The following DYNC1H1 variants were observed in gnomAD, a reference collection of about 807,000 sequenced individuals.
DYNC1H1 encodes dynein cytoplasmic 1 heavy chain 1.
In DYNC1H1, 51 loss-of-function variants were observed where a neutral mutation model predicts 527.1. That is an observed-to-expected ratio of 0.10 (90% CI 0.08 to 0.12). DYNC1H1 has a LOEUF of 0.12. Ranked by LOEUF, DYNC1H1 falls within the 10% of genes least tolerant of loss-of-function variation. The probability of loss-of-function intolerance (pLI) is 1.00; values close to 1 mark genes in which losing one functional copy is unlikely to be tolerated. For missense variants in DYNC1H1, 2,771 were observed against 5,971.8 expected, an observed-to-expected ratio of 0.46 and a Z score of 17.66; for synonymous variants, 2,189 against 2,278.8, an observed-to-expected ratio of 0.96 and a Z score of 1.12.
intron 72 of DYNC1H1, among the ~76,000 whole-genome samples, chr14:102,045,594 G>A (rs906953504): frequency 6.6e-6 from 1 of 151,802 alleles, no homozygotes; most frequent in Non-Finnish European, 1.5e-5. Context: ...TTGGGCAACA[G>A]AACAAGATTC....
At chr14:101,969,722 A>G (rs933150539) in intron 1 of DYNC1H1, 2 of 152,280 alleles carry the variant, frequency 1.3e-5, no homozygotes, top group Admixed American at 1.3e-4. Flanking sequence ...ATGCTGTCAC[A>G]CTGTGGGACA....
At chr14:102,030,097 GT>G (rs1177617431) in intron 50 of DYNC1H1, 64 bp from the exon 51 acceptor site, 12 of 1,612,966 alleles carry the variant, frequency 7.4e-6, no homozygotes, top group African/African-American at 2.7e-5. Context: ...GAAGAATGTT[GT>G]TTAGAATTTA....
chr14:102,043,569 C>T (rs549244551), intron 69 of DYNC1H1: 346 of 413,684 alleles, frequency 8.4e-4, no homozygotes, highest in Non-Finnish European at 1.3e-3. Context: ...GGGATTGTGG[C>T]AGGGGTTTCG....
Position 102,017,501 on chromosome 14 carries a change from A to G in DYNC1H1, c.8174A>G (p.His2725Arg). The G allele has an allele frequency of 6.2e-7, 1 of 1,614,128 alleles. No homozygotes were observed. The highest frequency in any genetic ancestry group is 2.2e-5 in the East Asian group (1 of 44,876). Residue 2725 changes from histidine to arginine, a missense_variant, in exon 40 of 78, where the codon CAC becomes CGC. Physicochemically the swap from His to Arg is conservative, Grantham distance 29. Around this residue, in one of 32 missense-constraint regions of DYNC1H1, gnomAD observed 163 missense variants for 346.9 expected, o/e 0.47. Coordinates refer to ENST00000360184, the MANE Select transcript of DYNC1H1 (RefSeq NM_001376.5). This position sits in a 1 kb window ranked among gnomAD's most constrained non-coding sequence, Gnocchi z 4.6. ...PTDPGRKPLS[H>R]RFLRHVPVVY... ...GACCCTGGAAGAAAGCCCCTCTCAC[A>G]CAGGTAAAACAGCTCGGTAGACTGC...
intron 18 of DYNC1H1, chr14:102,000,732 G>A (rs1474075506): frequency 3.1e-5 from 16 of 523,784 alleles, no homozygotes; most frequent in African/African-American, 2.3e-4. Context: ...GTGCCACCAC[G>A]CCCGGCTAAT....
At position 102,039,334 on chromosome 14, in the gene DYNC1H1, C is replaced by CAGTA; in HGVS notation, c.11461-77_11461-74dup. The CAGTA allele has an allele frequency of 1.2e-6, 2 of 1,612,696 alleles. No individual in the cohort carries two copies. The highest frequency in any genetic ancestry group is 1.7e-6 in the Non-Finnish European group (2 of 1,180,016). ...CGCACAGAGGCTGGCGGGCCCTGCA[C>CAGTA]AGTAGCTCCTTGGCCACGCAGAAGT... On this transcript the variant is annotated intron_variant, in intron 60 of 77. Coordinates refer to ENST00000360184, the MANE Select transcript of DYNC1H1 (RefSeq NM_001376.5). The surrounding 1 kb of genome is among the most constrained non-coding windows in gnomAD (Gnocchi z 7.0).
Position 102,027,930 on chromosome 14 carries a change from TTCTC to T in DYNC1H1, c.9264-6_9264-3del. On this transcript the variant is annotated splice_polypyrimidine_tract_variant and splice_region_variant and intron_variant, in intron 47 of 77. Coordinates refer to ENST00000360184, the MANE Select transcript of DYNC1H1 (RefSeq NM_001376.5). This position sits in a 1 kb window ranked among gnomAD's most constrained non-coding sequence, Gnocchi z 7.7. ...TAGCTGTCCTGAAACATGGGCCTCTTTCTCAGGTGTGTGTTGAATTGGTTTGGAG... is the reference window on the plus strand; with the variant it reads ...TAGCTGTCCTGAAACATGGGCCTCTTAGGTGTGTGTTGAATTGGTTTGGAG... 6.2e-7 allele frequency: 1 copy of T among 1,614,174 alleles called. No homozygotes were observed. The highest frequency in any genetic ancestry group is 8.5e-7 in the Non-Finnish European group (1 of 1,180,014).
In DYNC1H1 at chr14:102,044,240, A is replaced by T; in HGVS notation, c.12685-34A>T. ...GAAGCCCCGGGCCTGCCCGCCTCTG[A>T]CCACACACACGAACCCTGCTTTTCC... is the stretch of plus-strand genomic sequence containing the variant. On this transcript the variant is annotated intron_variant, in intron 70 of 77. Coordinates refer to ENST00000360184, the MANE Select transcript of DYNC1H1 (RefSeq NM_001376.5). This position sits in a 1 kb window ranked among gnomAD's most constrained non-coding sequence, Gnocchi z 7.1. 6.2e-7 allele frequency: 1 copy of T among 1,612,632 alleles called. No individual in the cohort carries two copies. Among genetic ancestry groups the T allele is most frequent in the Non-Finnish European group, 8.5e-7 (1 of 1,179,656 alleles).
chr14:102,030,309 T>C, intron 51 of DYNC1H1, 27 bp downstream of exon 51: 2 of 1,614,102 alleles, frequency 1.2e-6, no homozygotes, highest in South Asian at 1.1e-5. Context: ...AGAGCTTTGA[T>C]GTCTAGGAAG....
chr14:101,976,085 T>G (rs1358750659), intron 2 of DYNC1H1, among the ~76,000 whole-genome samples: 1 of 151,508 alleles, frequency 6.6e-6, no homozygotes, highest in Non-Finnish European at 1.5e-5. Flanking sequence ...TTCTGTATTT[T>G]TAGTAGAGAC....
chr14:101,986,383 A>G lies in DYNC1H1; in HGVS notation c.2158A>G (p.Ile720Val), dbSNP rs1283849893. 1 of 1,614,096 alleles carries G rather than the reference A, an allele frequency of 6.2e-7. No individual in the cohort carries two copies. Among genetic ancestry groups the G allele is most frequent in the East Asian group, 2.2e-5 (1 of 44,880 alleles). ...CGGTGTCTCGGGGCGCATTTTCACCATCGAAAGTACTCGGGTTCGGGGCCG... is the reference window on the plus strand; with the variant it reads ...CGGTGTCTCGGGGCGCATTTTCACCGTCGAAAGTACTCGGGTTCGGGGCCG... ...NLGVSGRIFT[I>V]ESTRVRGRTG... Residue 720 changes from isoleucine (I) to valine (V), a missense_variant, in exon 8 of 78, where the codon ATC (isoleucine) becomes GTC (valine). Physicochemically the swap from Ile to Val is conservative, Grantham distance 29 (BLOSUM62 3). Around this residue, in one of 32 missense-constraint regions of DYNC1H1, gnomAD observed 264 missense variants for 619.4 expected, o/e 0.43. Transcript: ENST00000360184. This position sits in a 1 kb window ranked among gnomAD's most constrained non-coding sequence, Gnocchi z 8.7.
At position 101,983,041 on chromosome 14, in the gene DYNC1H1, T is replaced by C; in HGVS notation, c.984T>C (p.Thr328=). The part of the protein sequence containing the change: ...TDTGLKQALE[T]VNDYNPLMKD... ...TAGGTCTAAAACAGGCTTTGGAAAC[T>C]GTGAATGACTACAATCCTCTGATGA... The change falls in exon 6 of 78, where the codon ACT becomes ACC. Residue 328 remains threonine (T), a synonymous_variant. Coordinates refer to ENST00000360184, the MANE Select transcript of DYNC1H1 (RefSeq NM_001376.5). This position sits in a 1 kb window ranked among gnomAD's most constrained non-coding sequence, Gnocchi z 5.3. 1 of 1,614,232 alleles carries C rather than the reference T, an allele frequency of 6.2e-7. No homozygotes were observed. Among genetic ancestry groups the C allele is most frequent in the Non-Finnish European group, 8.5e-7 (1 of 1,180,050 alleles).
chr14:101,964,627 G>A lies in DYNC1H1; in HGVS notation c.-65G>A. ...CTTCCGGCGGCCGTTTCTGTCTCTT[G>A]CTGGCTGTCTCGCTGAGTCGCGGCC... On this transcript the variant is annotated 5_prime_UTR_variant, in exon 1 of 78. Coordinates refer to ENST00000360184, the MANE Select transcript of DYNC1H1 (RefSeq NM_001376.5). The surrounding 1 kb of genome is among the most constrained non-coding windows in gnomAD (Gnocchi z 5.5). 5 of 1,537,086 alleles carry A rather than the reference G, an allele frequency of 3.3e-6. 1 individual carries two copies. In the South Asian group the frequency reaches 5.9e-5, roughly 18 times the overall value.
At chr14:101,995,614 A>C (rs2048051740) in intron 15 of DYNC1H1, among the ~76,000 whole-genome samples, 1 of 151,716 alleles carries the variant, frequency 6.6e-6, no homozygotes, top group African/African-American at 2.4e-5. Flanking sequence ...CCGTCTCAAA[A>C]AAAAAAAAAA....
chr14:102,011,976 A>T lies in DYNC1H1; in HGVS notation c.6720A>T (p.Ala2240=). The T allele has an allele frequency of 6.2e-7, 1 of 1,614,044 alleles. No homozygotes were observed. Among genetic ancestry groups the T allele is most frequent in the Non-Finnish European group, 8.5e-7 (1 of 1,179,998 alleles). Reference sequence around the variant, plus strand: ...TGGCCTGGCGTGTCCTGCTGAAGGCATTGGAGAGACTCGAGGGTGTGGAAG... The same window carrying T: ...TGGCCTGGCGTGTCCTGCTGAAGGCTTTGGAGAGACTCGAGGGTGTGGAAG... ...KSMAWRVLLK[A]LERLEGVEGV... Residue 2240 remains alanine (A), a synonymous_variant, in exon 33 of 78, where the codon GCA becomes GCT. Coordinates refer to ENST00000360184, the MANE Select transcript of DYNC1H1 (RefSeq NM_001376.5). The surrounding 1 kb of genome is among the most constrained non-coding windows in gnomAD (Gnocchi z 5.3).
chr14:101,965,182 G>A lies in DYNC1H1; in HGVS notation c.256+235G>A, dbSNP rs951979355. Among the ~76,000 whole-genome samples, 2 of 151,946 alleles carry A rather than the reference G, an allele frequency of 1.3e-5. No homozygotes were observed. Among genetic ancestry groups the A allele is most frequent in the African/African-American group, 4.8e-5 (2 of 41,418 alleles). On this transcript the variant is annotated intron_variant, in intron 1 of 77. Transcript: ENST00000360184. This position sits in a 1 kb window ranked among gnomAD's most constrained non-coding sequence, Gnocchi z 4.1. The stretch of plus-strand genomic sequence containing the variant: ...GGGGCTCGCCCTCGCCACACCCACT[G>A]CCCGGCCCGGAGCCCCCAGGGCGCC...
intron 23 of DYNC1H1, among the ~76,000 whole-genome samples, 158 bp from the exon 24 acceptor site, chr14:102,004,360 C>A (rs1483371360): frequency 6.6e-6 from 1 of 152,068 alleles, no homozygotes; most frequent in African/African-American, 2.4e-5. Context: ...TATCTTTTGC[C>A]AAGGGCTAGA....
intron 27 of DYNC1H1, 26 bp downstream of exon 27, chr14:102,006,196 G>T: frequency 6.2e-7 from 1 of 1,611,128 alleles, no homozygotes. Context: ...GATCTGGACA[G>T]ATGGAATCAT....
At chr14:101,995,747 AC>A (rs903498092) in intron 15 of DYNC1H1, among the ~76,000 whole-genome samples, 1 of 152,012 alleles carries the variant, frequency 6.6e-6, no homozygotes, top group African/African-American at 2.4e-5. Flanking sequence ...CTCTGTTACA[AC>A]AGCCTGATGT....
Sources: gnomAD v4.1 joint callset for allele counts (sites outside exome capture counted in the v4.1 genomes callset) on GRCh38, gnomAD v4.1.1 for gene constraint, gnomAD v4.1.1 regional missense constraint, Gnocchi (gnomAD v3.1) non-coding constraint, MANE v1.5 for transcripts, NCBI Gene and HGNC (gene_info 2026-07-23, HGNC 2026-07-21) for gene names.